The following UGT2B4 variants were observed in gnomAD, a reference collection of about 807,000 sequenced individuals.
UGT2B4 encodes UDP glucuronosyltransferase family 2 member B4, also known as UDP-glucuronosyltransferase 2B4.
UGT2B4 carries 49 observed loss-of-function variants against 49.8 expected under a neutral mutation model. The ratio of observed to expected loss-of-function variants is 0.98; its 90% CI spans 0.78 to 1.25. The LOEUF is 1.25. Among genes scored for constraint, UGT2B4 ranks in the 50% most tolerant of loss-of-function variants. The probability of loss-of-function intolerance (pLI) is 0.00; values close to 1 mark genes in which losing one functional copy is unlikely to be tolerated. For synonymous variants in UGT2B4, 246 were observed against 217.7 expected (o/e 1.13, Z -1.14); for missense variants, 729 against 627.7 (o/e 1.16, Z -1.73).
rs1389930 is a variant in UGT2B4 at position 69,481,454 on chromosome 4, C to T, written c.1311-544G>A. On this transcript the variant is annotated intron_variant, in intron 5 of 5. Coordinates refer to ENST00000305107, the MANE Select transcript of UGT2B4 (RefSeq NM_021139.3). ...TAATTGACAAATATTTTTAAAGTAA[C>T]AATGGAGGGTCAGGTGAGAAAGTTA... 1.7e-3 allele frequency among the ~76,000 whole-genome samples: 265 copies of T among 152,254 alleles called. 2 individuals are homozygous for T. The highest frequency in any genetic ancestry group is 6.2e-3 in the African/African-American group (259 of 41,526).
At chr4:69,525,615 T>G (rs1329556679) in intron 1 of UGT2B4, 1 of 972,348 alleles carries the variant, frequency 1.0e-6, no homozygotes. Flanking sequence ...GACAATAGAT[T>G]ATCTACTCAG....
At chr4:69,491,457 A>AT (rs1288322858) in intron 2 of UGT2B4, among the ~76,000 whole-genome samples, 6 of 152,112 alleles carry the variant, frequency 3.9e-5, no homozygotes. Flanking sequence ...ACCAATGGCT[A>AT]TATGCATTTT....
intron 5 of UGT2B4, among the ~76,000 whole-genome samples, chr4:69,483,334 A>G (rs1727657632): frequency 6.6e-6 from 1 of 152,096 alleles, no homozygotes; most frequent in Admixed American, 6.6e-5. Context: ...TGCTCTAGAA[A>G]ACTATGCCTT....
chr4:69,510,985 TTCTTC>T (rs1309694050), intron 1 of UGT2B4, among the ~76,000 whole-genome samples: 11 of 84,742 alleles, frequency 1.3e-4, no homozygotes, highest in Admixed American at 2.7e-4. Context: ...TTCTTTTCTT[TTCTTC>T]TTTTTTTTTT....
At chr4:69,524,396 G>T (rs1261474195) in intron 1 of UGT2B4, among the ~76,000 whole-genome samples, 1 of 151,920 alleles carries the variant, frequency 6.6e-6, no homozygotes, top group Non-Finnish European at 1.5e-5. Flanking sequence ...TCAGGAATAG[G>T]CCAGAGGAGA....
chr4:69,488,851 G>A (rs1318394959), intron 3 of UGT2B4, among the ~76,000 whole-genome samples: 1 of 151,892 alleles, frequency 6.6e-6, no homozygotes, highest in Admixed American at 6.6e-5. Flanking sequence ...AATCTGCCTA[G>A]CTCTGCGGAT....
intron 1 of UGT2B4, among the ~76,000 whole-genome samples, chr4:69,510,943 A>T (rs1728587404): frequency 6.7e-6 from 1 of 149,074 alleles, no homozygotes; most frequent in Admixed American, 6.7e-5. Flanking sequence ...ACCATTGAAT[A>T]TGATAAGCTG....
intron 1 of UGT2B4, among the ~76,000 whole-genome samples, chr4:69,504,251 T>A (rs1424350715): frequency 6.6e-6 from 1 of 152,030 alleles, no homozygotes; most frequent in Non-Finnish European, 1.5e-5. Flanking sequence ...AGAAGTAAAA[T>A]TCAGAATATG....
At chr4:69,519,921 A>G (rs957633816) in intron 1 of UGT2B4, among the ~76,000 whole-genome samples, 6 of 152,210 alleles carry the variant, frequency 3.9e-5, no homozygotes, top group African/African-American at 1.4e-4. Context: ...CTCACAAAAG[A>G]AAGATGAGGA....
At chr4:69,511,190 A>G (rs550370722) in intron 1 of UGT2B4, among the ~76,000 whole-genome samples, 10 of 151,910 alleles carry the variant, frequency 6.6e-5, no homozygotes, top group African/African-American at 2.2e-4. Context: ...GGATTTCACC[A>G]AGTTGACCAG....
At chr4:69,517,451 T>A (rs1728758947) in intron 1 of UGT2B4, among the ~76,000 whole-genome samples, 1 of 152,108 alleles carries the variant, frequency 6.6e-6, no homozygotes, top group Admixed American at 6.6e-5. Flanking sequence ...AAAGAAAGAA[T>A]CAAATAAAAT....
intron 1 of UGT2B4, 48 bp from the exon 2 acceptor site, chr4:69,493,889 A>G: frequency 6.4e-7 from 1 of 1,553,062 alleles, no homozygotes; most frequent in Non-Finnish European, 8.6e-7. Flanking sequence ...AGATAATTAA[A>G]CTAGGTAATT....
rs747409852 is a variant in UGT2B4 at position 69,493,751 on chromosome 4, A to G, written c.812T>C (p.Leu271Ser). 4 of 1,612,180 alleles carry G rather than the reference A, an allele frequency of 2.5e-6. No homozygotes were observed. The East Asian group carries it at 8.9e-5, about 36-fold the overall frequency. The change falls in exon 2 of 6, where the codon TTA (leucine) becomes TCA (serine). Residue 271 changes from leucine (L) to serine (S), a missense_variant. By Grantham distance (145) the Leu-to-Ser change is moderately radical. Transcript: ENST00000305107. ...TCCTCCAACGAACTCAACATTTGGTAAGAGTGGGTGAGGAAATTGAAAATC... is the reference window on the plus strand; with the variant it reads ...TCCTCCAACGAACTCAACATTTGGTGAGAGTGGGTGAGGAAATTGAAAATC... ...YWDFQFPHPL[L>S]PNVEFVGGLH...
intron 3 of UGT2B4, among the ~76,000 whole-genome samples, chr4:69,487,226 C>G (rs1159425767): frequency 6.6e-6 from 1 of 152,200 alleles, no homozygotes; most frequent in Non-Finnish European, 1.5e-5. Context: ...AATCCCATTA[C>G]TGGGTATGTA....
rs770803752 is a variant in UGT2B4, at chr4:69,480,829, A to T, written c.1392T>A (p.Ile464=). 20 of 1,613,812 alleles carry T rather than the reference A, an allele frequency of 1.2e-5. No individual in the cohort carries two copies. The highest frequency in any genetic ancestry group is 1.6e-4 in the Middle Eastern group (1 of 6,078). ...VKPLDRAVFW[I]EFVMRHKGAK... ...CTCCTTTATGGCGCATGACAAATTC[A>T]ATCCAGAAGACTGCTCGATCAAGGG... Residue 464 remains isoleucine, a synonymous_variant, in exon 6 of 6, where the codon ATT becomes ATA. Coordinates refer to ENST00000305107, the MANE Select transcript of UGT2B4 (RefSeq NM_021139.3).
intron 1 of UGT2B4, among the ~76,000 whole-genome samples, chr4:69,513,667 A>G (rs187742327): frequency 4.6e-5 from 7 of 152,344 alleles, no homozygotes; most frequent in Admixed American, 4.6e-4. Flanking sequence ...TACTTTGGGC[A>G]ATATGGCCAT....
intron 1 of UGT2B4, among the ~76,000 whole-genome samples, chr4:69,512,070 A>T (rs1728617791): frequency 1.3e-5 from 2 of 150,858 alleles, no homozygotes; most frequent in African/African-American, 4.9e-5. Context: ...TGAAAATTTT[A>T]TCTTTTCAAA....
At chr4:69,517,558 A>G (rs1213164940) in intron 1 of UGT2B4, 1 of 152,236 alleles carries the variant, frequency 6.6e-6, no homozygotes, top group African/African-American at 2.4e-5. Flanking sequence ...AAGAAGAGCT[A>G]CAACATTTTC....
At chr4:69,523,476 A>G (rs62307002) in intron 1 of UGT2B4, among the ~76,000 whole-genome samples, 53,434 of 151,910 alleles carry the variant, frequency 0.35, 9,505 homozygotes, top group Non-Finnish European at 0.37. Context: ...AAAATTTTGA[A>G]AGGAGTCTTT....
Sources: gnomAD v4.1 joint callset for allele counts (sites outside exome capture counted in the v4.1 genomes callset) on GRCh38, gnomAD v4.1.1 for gene constraint, MANE v1.5 for transcripts, NCBI Gene and HGNC (gene_info 2026-07-23, HGNC 2026-07-21) for gene names.